Variants in OTOGL observed in about 807,000 individuals in gnomAD.
The protein encoded by OTOGL is otogelin-like protein.
OTOGL carries 285 observed loss-of-function variants against 318.5 expected under a neutral mutation model. That is an observed-to-expected ratio of 0.89 (90% CI 0.81 to 0.99). The LOEUF (loss-of-function observed/expected upper bound fraction) is 0.99, where lower values mean the gene tolerates loss of function less well. Among genes scored for constraint, OTOGL ranks in the 50% least tolerant of loss-of-function variants. The pLI is 0.00. For missense variants in OTOGL, 2,899 were observed against 2,845.6 expected, an observed-to-expected ratio of 1.02 and a Z score of -0.43; for synonymous variants, 987 against 936.5, an observed-to-expected ratio of 1.05 and a Z score of -0.99.
chr12:80,364,929 A>C (rs1157431501), intron 52 of OTOGL, among the ~76,000 whole-genome samples: 1 of 152,038 alleles, frequency 6.6e-6, no homozygotes, highest in Non-Finnish European at 1.5e-5. Flanking sequence ...ATACCACTTC[A>C]CATCTTGCCT....
rs35975748 is a variant in OTOGL, at chr12:80,226,177, A to AACACACACACACAC, written c.490-3047_490-3034dup. 4.1e-3 allele frequency among the ~76,000 whole-genome samples: 543 copies of AACACACACACACAC among 132,954 alleles called. 4 individuals are homozygous for AACACACACACACAC. The highest frequency in any genetic ancestry group is 8.5e-3 in the South Asian group (32 of 3,762). 87.2% of individuals were successfully genotyped at this position (132,954 alleles called of 152,430 possible). A position where few individuals can be genotyped will look rare whatever the true frequency, so the allele number is the denominator to read the frequency against. ...TAGTTATGCCACCCTTCCTGCTCCT[A>AACACACACACACAC]ACACACACACACACACACACACACA... is the stretch of plus-strand genomic sequence containing the variant. On this transcript the variant is annotated intron_variant, in intron 7 of 58. Transcript: ENST00000547103.
intron 1 of OTOGL, chr12:80,103,380 A>G: frequency 1.1e-6 from 1 of 946,390 alleles, no homozygotes; most frequent in East Asian, 2.4e-5. Flanking sequence ...CTTTTCTTGC[A>G]GGCTTCACAT....
intron 1 of OTOGL, chr12:80,132,029 A>C (rs1334215308): frequency 6.6e-6 from 1 of 152,222 alleles, no homozygotes; most frequent in Admixed American, 6.5e-5. Flanking sequence ...ACTTACTTGG[A>C]ATGTACATTC....
intron 11 of OTOGL, among the ~76,000 whole-genome samples, chr12:80,246,856 A>C (rs1223349139): frequency 7.6e-5 from 2 of 26,484 alleles, no homozygotes; most frequent in African/African-American, 2.2e-4. Flanking sequence ...TTATTGGTCT[A>C]TTCAGAGATT....
chr12:80,270,118 A>G lies in OTOGL; in HGVS notation c.2482A>G (p.Thr828Ala). The G allele has an allele frequency of 6.2e-7, 1 of 1,603,134 alleles. No individual in the cohort carries two copies. The highest frequency in any genetic ancestry group is 2.2e-5 in the East Asian group (1 of 44,766). ...TACTTCTAGCCAGTGTTCAAATGGG[A>G]CTGTGAAATGTGATGAATTAGCAAC... ...PSGLCQCSNGTVKCDELATPS... is the reference protein window; with the variant it reads ...PSGLCQCSNGAVKCDELATPS... The change falls in exon 23 of 59, where the codon ACT becomes GCT. Residue 828 changes from threonine to alanine, a missense_variant. Coordinates refer to ENST00000547103, the MANE Select transcript of OTOGL (RefSeq NM_001378609.3).
chr12:80,138,075 A>T (rs1332879234), intron 1 of OTOGL, among the ~76,000 whole-genome samples: 2 of 152,182 alleles, frequency 1.3e-5, no homozygotes, highest in Admixed American at 1.3e-4. Flanking sequence ...AGATGGTATA[A>T]TTAAGTTAGA....
At chr12:80,308,730 C>A (rs549912430) in intron 29 of OTOGL, among the ~76,000 whole-genome samples, 19 of 152,188 alleles carry the variant, frequency 1.2e-4, no homozygotes. Flanking sequence ...CTTGGGAGGC[C>A]GAGGCTGGCG....
At chr12:80,236,553 G>A (rs1879862848) in intron 9 of OTOGL, among the ~76,000 whole-genome samples, 1 of 152,130 alleles carries the variant, frequency 6.6e-6, no homozygotes, top group Non-Finnish European at 1.5e-5. Flanking sequence ...TCGTGTGTAA[G>A]TATTGAAATA....
chr12:80,253,060 A>C (rs1211914021), intron 13 of OTOGL, among the ~76,000 whole-genome samples: 1 of 152,200 alleles, frequency 6.6e-6, no homozygotes, highest in Non-Finnish European at 1.5e-5. Context: ...GGTCTTGGAC[A>C]TTTGAGTAGC....
chr12:80,101,610 T>A (rs530158423), intron 1 of OTOGL, among the ~76,000 whole-genome samples: 19 of 152,338 alleles, frequency 1.2e-4, no homozygotes, highest in African/African-American at 4.6e-4. Flanking sequence ...GGGAACAGTT[T>A]TTAAATATAG....
chr12:80,155,027 G>C (rs748190083), intron 1 of OTOGL, among the ~76,000 whole-genome samples: 3 of 152,152 alleles, frequency 2.0e-5, no homozygotes, highest in Non-Finnish European at 4.4e-5. Flanking sequence ...TTTTCCTGAT[G>C]ATGTAAGATG....
rs1365470433 is a variant in OTOGL at position 80,232,890 on chromosome 12, A to G, written c.612-2A>G. 6 of 1,592,846 alleles carry G rather than the reference A, an allele frequency of 3.8e-6. No homozygotes were observed. In the African/African-American group the frequency reaches 8.0e-5, roughly 21 times the overall value. On this transcript the variant is annotated splice_acceptor_variant, in intron 8 of 58. Transcript: ENST00000547103. LOFTEE classifies it high-confidence loss of function. ...TAGATAGCTTTTGTTCTGTTTTTCA[A>G]GTTTAACATTGCCTCAGACAATTGG...
intron 1 of OTOGL, among the ~76,000 whole-genome samples, chr12:80,126,426 C>T (rs975833616): frequency 6.6e-6 from 1 of 152,250 alleles, no homozygotes; most frequent in African/African-American, 2.4e-5. Flanking sequence ...AATCTCTCTT[C>T]TTTTACATTT....
At chr12:80,153,780 C>A (rs989443684) in intron 1 of OTOGL, among the ~76,000 whole-genome samples, 2 of 152,142 alleles carry the variant, frequency 1.3e-5, no homozygotes, top group Non-Finnish European at 2.9e-5. Flanking sequence ...TTGCCTTTCC[C>A]AGAATGTCAC....
intron 30 of OTOGL, among the ~76,000 whole-genome samples, chr12:80,313,188 C>T (rs950981151): frequency 5.3e-5 from 8 of 152,054 alleles, no homozygotes; most frequent in African/African-American, 1.9e-4. Context: ...GTGATTACAT[C>T]AATAATGACA....
At position 80,279,044 on chromosome 12, in the gene OTOGL, A is replaced by G; in HGVS notation, c.2806A>G (p.Met936Val). ...TTTTAATAGCGTTTGTCGACGAGGA[A>G]TGTTCAATTGCACATATTATCCATG... ...PCYTCVCRRG[M>V]FNCTYYPCPA... The change falls in exon 26 of 59, where the codon ATG becomes GTG. Residue 936 changes from methionine to valine, a missense_variant. Around this residue, in one of 3 missense-constraint regions of OTOGL, gnomAD observed 2,607 missense variants for 2,524.9 expected, o/e 1.03. Coordinates refer to ENST00000547103, the MANE Select transcript of OTOGL (RefSeq NM_001378609.3). 1 of 1,594,692 alleles carries G rather than the reference A, an allele frequency of 6.3e-7. No individual in the cohort carries two copies. Among genetic ancestry groups the G allele is most frequent in the Non-Finnish European group, 8.5e-7 (1 of 1,176,574 alleles).
At chr12:80,264,959 A>T in intron 19 of OTOGL, 42 bp from the exon 20 acceptor site, 1 of 1,582,936 alleles carries the variant, frequency 6.3e-7, no homozygotes, top group Non-Finnish European at 8.7e-7. Flanking sequence ...CTGGGGTAAG[A>T]TCTGAACTGT....
intron 1 of OTOGL, among the ~76,000 whole-genome samples, chr12:80,196,516 C>A (rs1260732447): frequency 6.6e-6 from 1 of 152,160 alleles, no homozygotes; most frequent in Non-Finnish European, 1.5e-5. Context: ...GAATTCCAGT[C>A]CTTTGCCTGC....
intron 1 of OTOGL, among the ~76,000 whole-genome samples, chr12:80,171,738 C>T (rs1482106953): frequency 6.6e-6 from 1 of 152,050 alleles, no homozygotes; most frequent in Non-Finnish European, 1.5e-5. Flanking sequence ...ATCTACAGAT[C>T]AATTTGGGGA....
Sources: allele counts gnomAD v4.1 joint callset (sites outside exome capture counted in the v4.1 genomes callset), GRCh38; gene constraint gnomAD v4.1.1; regional missense constraint gnomAD v4.1.1; transcripts MANE v1.5; gene names NCBI Gene and HGNC (gene_info 2026-07-23, HGNC 2026-07-21).